The following HEMK1 variants were observed in gnomAD, a reference collection of about 807,000 sequenced individuals.
The protein encoded by HEMK1 is HemK methyltransferase 1, mitochondrial release factors N(5)-glutamine, also known as MTRF1L release factor glutamine methyltransferase.
Under a neutral mutation model 47.9 loss-of-function variants are expected in HEMK1, and 36 were observed. That is an observed-to-expected ratio of 0.75 (90% CI 0.58 to 0.99). HEMK1 has a LOEUF of 0.99. Ranked by LOEUF, HEMK1 falls within the 50% of genes least tolerant of loss-of-function variation. The pLI, the probability that HEMK1 is intolerant of heterozygous loss-of-function variation, is 0.00. For synonymous variants in HEMK1, 153 were observed against 165.4 expected (o/e 0.93, Z 0.57); for missense variants, 383 against 434.5 (o/e 0.88, Z 1.05).
rs2031726752 is a variant in HEMK1 at position 50,591,662 on chromosome 3, A to ATGTGTGTGTGTGTGTGTG, written c.*11245_*11246insTGTGTGTGTGTGTGTGTG. On this transcript the variant is annotated 3_prime_UTR_variant, in exon 11 of 11. Transcript: ENST00000232854. ...AACCAAGCCAGGGTTGCATGCATGC[A>ATGTGTGTGTGTGTGTGTG]CGTGTGTGTGTGTGTGTGTGTGTGT... The ATGTGTGTGTGTGTGTGTG allele has an allele frequency of 4.5e-5, 1 of 22,066 alleles. No homozygotes were observed. Among genetic ancestry groups the ATGTGTGTGTGTGTGTGTG allele is most frequent in the African/African-American group, 1.6e-4 (1 of 6,398 alleles). The allele number at this position is 22,066 out of a possible 1,614,324, so 1.4% of individuals were successfully genotyped here.
intron 4 of HEMK1, among the ~76,000 whole-genome samples, chr3:50,574,191 C>T (rs1369532485): frequency 6.6e-6 from 1 of 152,236 alleles, no homozygotes; most frequent in Non-Finnish European, 1.5e-5. Context: ...TTCTTGGATT[C>T]TTACCATATT....
rs1385298945 is a variant in HEMK1 at position 50,581,055 on chromosome 3, C to T, written c.*638C>T. ...GCTGCACAGTTCCTGGGTCGCACAT[C>T]CACGTTCATTTAACTGAAGGCTTGA... On this transcript the variant is annotated 3_prime_UTR_variant, in exon 11 of 11. Transcript: ENST00000232854. 1 of 152,416 alleles carries T rather than the reference C, an allele frequency of 6.6e-6. No individual in the cohort carries two copies. The highest frequency in any genetic ancestry group is 1.5e-5 in the Non-Finnish European group (1 of 68,212). The allele number at this position is 152,416 out of a possible 1,614,324, so 9.4% of individuals were successfully genotyped here. A position where few individuals can be genotyped will look rare whatever the true frequency, so the allele number is the denominator to read the frequency against.
Position 50,591,384 on chromosome 3 carries a change from T to TA in HEMK1, c.*10968dup, listed in dbSNP as rs1251973009. On this transcript the variant is annotated 3_prime_UTR_variant, in exon 11 of 11. Transcript: ENST00000232854. ...GGCCCCTCATGAGTAGCTGGGTCCT[T>TA]ACGATTTTTCTGGTCAGCAGTGGGG... 2.6e-5 allele frequency: 4 copies of TA among 152,412 alleles called. No homozygotes were observed. The highest frequency in any genetic ancestry group is 4.4e-5 in the Non-Finnish European group (3 of 68,120). The allele number at this position is 152,412 out of a possible 1,614,324, so 9.4% of individuals were successfully genotyped here. A position where few individuals can be genotyped will look rare whatever the true frequency, so the allele number is the denominator to read the frequency against.
rs2031361960 is a variant in HEMK1 at position 50,586,366 on chromosome 3, T to C, written c.*5949T>C. 1.3e-5 allele frequency: 2 copies of C among 152,366 alleles called. No individual in the cohort carries two copies. The highest frequency in any genetic ancestry group is 4.1e-4 in the South Asian group (2 of 4,826). 9.4% of individuals were successfully genotyped at this position (152,366 alleles called of 1,614,324 possible). A position where few individuals can be genotyped will look rare whatever the true frequency, so the allele number is the denominator to read the frequency against. On this transcript the variant is annotated 3_prime_UTR_variant, in exon 11 of 11. Transcript: ENST00000232854. ...AGTGGGAAAGGCAGGGAAGCCTACC[T>C]CAGCTTCATGGAAAGCCCTGAACTG...
chr3:50,569,669 CAG>C (rs1444930188), intron 1 of HEMK1, 95 bp downstream of exon 1: 14 of 152,282 alleles, frequency 9.2e-5, no homozygotes. Context: ...GATGGGGAAA[CAG>C]GGTTGGAGAG....
chr3:50,570,826 A>G, intron 1 of HEMK1, 105 bp from the exon 2 acceptor site: 1 of 338,384 alleles, frequency 3.0e-6, no homozygotes, highest in Non-Finnish European at 5.4e-6. Context: ...AAATGGAGTC[A>G]AGGGGGTGTC....
intron 8 of HEMK1, 110 bp from the exon 9 acceptor site, chr3:50,579,734 C>T: frequency 1.3e-6 from 1 of 786,326 alleles, no homozygotes; most frequent in South Asian, 1.7e-5. Flanking sequence ...GCCCTTCAGC[C>T]CAGAGTGTAA....
At chr3:50,571,669 G>A in intron 2 of HEMK1, 41 bp from the exon 3 acceptor site, 1 of 1,580,818 alleles carries the variant, frequency 6.3e-7, no homozygotes, top group Non-Finnish European at 8.7e-7. Flanking sequence ...TGGGGGCCTT[G>A]GGCCCAGTGA....
chr3:50,580,401 G>A lies in HEMK1; in HGVS notation c.1001G>A (p.Arg334Gln), dbSNP rs779386497. ...CTCAGGCCCCGGTTCCTGCATATCC[G>A]GAGGTCTGGGCCATAGCATGGCTGC... ...FCGRPRFLHI[R>Q]RSGP The change falls in exon 11 of 11, where the codon CGG becomes CAG. Residue 334 changes from arginine (R) to glutamine (Q), a missense_variant. By Grantham distance (43) the Arg-to-Gln change is conservative. Transcript: ENST00000232854. 1.2e-5 allele frequency: 19 copies of A among 1,614,014 alleles called. No homozygotes were observed. The highest frequency in any genetic ancestry group is 7.7e-5 in the South Asian group (7 of 91,084).
At chr3:50,579,215 G>A (rs17787569) in intron 8 of HEMK1, among the ~76,000 whole-genome samples, 15,301 of 152,218 alleles carry the variant, frequency 0.1, 955 homozygotes, top group Non-Finnish European at 0.13. Context: ...AGGACTCAGT[G>A]ACGACTTGAA....
In HEMK1 at chr3:50,594,665, G is replaced by A. The variant is rs1426707704; in HGVS notation, c.*14248G>A. 1 of 152,302 alleles carries A rather than the reference G, an allele frequency of 6.6e-6. No homozygotes were observed. The highest frequency in any genetic ancestry group is 2.4e-5 in the African/African-American group (1 of 41,464). The allele number at this position is 152,302 out of a possible 1,614,324, so 9.4% of individuals were successfully genotyped here. A position where few individuals can be genotyped will look rare whatever the true frequency, so the allele number is the denominator to read the frequency against. On this transcript the variant is annotated 3_prime_UTR_variant, in exon 11 of 11. Coordinates refer to ENST00000232854, the MANE Select transcript of HEMK1 (RefSeq NM_016173.5). ...GCCTGAGAGCTAATCCCCTGGAGCA[G>A]CCTGAAACCAAGGAAGACAGAGAGT...
rs1351779184 is a variant in HEMK1, at chr3:50,587,231, G to C, written c.*6814G>C. The C allele has an allele frequency of 1.3e-5, 2 of 152,140 alleles. No homozygotes were observed. Among genetic ancestry groups the C allele is most frequent in the African/African-American group, 4.8e-5 (2 of 41,394 alleles). The allele number at this position is 152,140 out of a possible 1,614,324, so 9.4% of individuals were successfully genotyped here. The stretch of plus-strand genomic sequence containing the variant: ...TGTGGACCCTTGGAGCAGGAGCAAG[G>C]GTTTCCAGGGCTGTCCCTAGAGGGC... On this transcript the variant is annotated 3_prime_UTR_variant, in exon 11 of 11. Transcript: ENST00000232854. This position sits in a 1 kb window ranked among gnomAD's most constrained non-coding sequence, Gnocchi z 4.2.
At chr3:50,571,405 C>T in intron 2 of HEMK1, 73 bp downstream of exon 2, 1 of 1,169,672 alleles carries the variant, frequency 8.5e-7, no homozygotes, top group Non-Finnish European at 1.2e-6. Context: ...TCCAGGTTTT[C>T]TGTTCACTAA....
rs1559472220 is a variant in HEMK1, at chr3:50,588,837, A to G, written c.*8420A>G. 6.6e-6 allele frequency: 1 copy of G among 152,182 alleles called. No individual in the cohort carries two copies. The highest frequency in any genetic ancestry group is 1.5e-5 in the Non-Finnish European group (1 of 68,046). 9.4% of individuals were successfully genotyped at this position (152,182 alleles called of 1,614,324 possible). A position where few individuals can be genotyped will look rare whatever the true frequency, so the allele number is the denominator to read the frequency against. On this transcript the variant is annotated 3_prime_UTR_variant, in exon 11 of 11. Transcript: ENST00000232854. Reference sequence around the variant, plus strand: ...ATGAGGCACCAGATGGATGTGTCTAAAAACCCTTGTTGAAGGCACTCCACA... The same window carrying G: ...ATGAGGCACCAGATGGATGTGTCTAGAAACCCTTGTTGAAGGCACTCCACA...
chr3:50,571,084 T>C lies in HEMK1; in HGVS notation c.-21T>C. On this transcript the variant is annotated 5_prime_UTR_variant, in exon 2 of 11. Transcript: ENST00000232854. ...CAGACTTGGGAACCTGGAAGCACTC[T>C]GGAGAACCTTTCCCTGAGACATGGA... 1 of 1,556,342 alleles carries C rather than the reference T, an allele frequency of 6.4e-7. No homozygotes were observed. Among genetic ancestry groups the C allele is most frequent in the South Asian group, 1.2e-5 (1 of 83,556 alleles).
At position 50,588,084 on chromosome 3, in the gene HEMK1, T is replaced by A. The variant is rs1050442806; in HGVS notation, c.*7667T>A. ...CCTTCAGAATATCCGAGAAGCAGCA[T>A]TGGGGCGTCTGGAGATGCAAATGTG... On this transcript the variant is annotated 3_prime_UTR_variant, in exon 11 of 11. Coordinates refer to ENST00000232854, the MANE Select transcript of HEMK1 (RefSeq NM_016173.5). 1 of 152,178 alleles carries A rather than the reference T, an allele frequency of 6.6e-6. No homozygotes were observed. Among genetic ancestry groups the A allele is most frequent in the Non-Finnish European group, 1.5e-5 (1 of 68,112 alleles). The allele number at this position is 152,178 out of a possible 1,614,324, so 9.4% of individuals were successfully genotyped here.
At position 50,586,572 on chromosome 3, in the gene HEMK1, T is replaced by A. The variant is rs1046561081; in HGVS notation, c.*6155T>A. On this transcript the variant is annotated 3_prime_UTR_variant, in exon 11 of 11. Transcript: ENST00000232854. ...CCTTATTGCTCCCTCTTGTACTAGG[T>A]CTGCGGCCCTCTTCTGGGGCATGTG... 1 of 152,342 alleles carries A rather than the reference T, an allele frequency of 6.6e-6. No individual in the cohort carries two copies. The highest frequency in any genetic ancestry group is 6.5e-5 in the Admixed American group (1 of 15,284). 9.4% of individuals were successfully genotyped at this position (152,342 alleles called of 1,614,324 possible).
rs1416964584 is a variant in HEMK1 at position 50,586,622 on chromosome 3, A to G, written c.*6205A>G. 6.6e-6 allele frequency: 1 copy of G among 152,292 alleles called. No individual in the cohort carries two copies. The highest frequency in any genetic ancestry group is 1.5e-5 in the Non-Finnish European group (1 of 68,160). 9.4% of individuals were successfully genotyped at this position (152,292 alleles called of 1,614,324 possible). A position where few individuals can be genotyped will look rare whatever the true frequency, so the allele number is the denominator to read the frequency against. On this transcript the variant is annotated 3_prime_UTR_variant, in exon 11 of 11. Coordinates refer to ENST00000232854, the MANE Select transcript of HEMK1 (RefSeq NM_016173.5). Reference sequence around the variant, plus strand: ...GGCTGGGGAAATGGTGGGATCAGATATCCCCTACTGAGCCCAGGGAGCAGA... The same window carrying G: ...GGCTGGGGAAATGGTGGGATCAGATGTCCCCTACTGAGCCCAGGGAGCAGA...
At chr3:50,572,838 T>A (rs563907213) in intron 4 of HEMK1, among the ~76,000 whole-genome samples, 1 of 152,358 alleles carries the variant, frequency 6.6e-6, no homozygotes, top group African/African-American at 2.4e-5. Context: ...ACGCTTTATA[T>A]GGCCCTTCTT....
Sources: gnomAD v4.1 joint callset for allele counts (sites outside exome capture counted in the v4.1 genomes callset) on GRCh38, gnomAD v4.1.1 for gene constraint, Gnocchi (gnomAD v3.1) non-coding constraint, MANE v1.5 for transcripts, NCBI Gene and HGNC (gene_info 2026-07-23, HGNC 2026-07-21) for gene names.